The following SPIRE1 variants were observed in gnomAD, a reference collection of about 807,000 sequenced individuals.
SPIRE1 encodes protein spire homolog 1.
Under a neutral mutation model 94.1 loss-of-function variants are expected in SPIRE1, and 40 were observed. That is an observed-to-expected ratio of 0.43 (90% CI 0.33 to 0.55). The LOEUF is 0.55. Among genes scored for constraint, SPIRE1 ranks in the 20% least tolerant of loss-of-function variants. The pLI, the probability that SPIRE1 is intolerant of heterozygous loss-of-function variation, is 0.06. For synonymous variants in SPIRE1, 376 were observed against 371.7 expected (o/e 1.01, Z -0.13); for missense variants, 838 against 975.2 (o/e 0.86, Z 1.87).
chr18:12,468,098 A>T (rs2032197831), intron 10 of SPIRE1, among the ~76,000 whole-genome samples: 1 of 152,240 alleles, frequency 6.6e-6, no homozygotes, highest in African/African-American at 2.4e-5. Context: ...TATCATACTT[A>T]ATTCTGTAAG....
chr18:12,450,734 T>C (rs977889562), intron 16 of SPIRE1: 4 of 670,786 alleles, frequency 6.0e-6, no homozygotes, highest in African/African-American at 3.7e-5. Context: ...AAAGCCACCG[T>C]CTGGATTCTT....
intron 2 of SPIRE1, among the ~76,000 whole-genome samples, chr18:12,628,681 G>A (rs1200354377): frequency 2.6e-5 from 4 of 152,130 alleles, no homozygotes; most frequent in Non-Finnish European, 5.9e-5. Flanking sequence ...CTATCCATAA[G>A]CACGGAATGT....
intron 6 of SPIRE1, among the ~76,000 whole-genome samples, chr18:12,502,496 C>T (rs979752731): frequency 1.3e-5 from 2 of 152,128 alleles, no homozygotes; most frequent in African/African-American, 4.8e-5. Context: ...AGAAAGATAA[C>T]ATTACCCAGT....
intron 2 of SPIRE1, among the ~76,000 whole-genome samples, chr18:12,595,250 G>A (rs879609167): frequency 6.6e-6 from 1 of 152,140 alleles, no homozygotes; most frequent in Non-Finnish European, 1.5e-5. Context: ...AGGCTGCAGT[G>A]AGCTATGATT....
chr18:12,503,603 T>C lies in SPIRE1; in HGVS notation c.972+2874A>G, dbSNP rs191035911. Among the ~76,000 whole-genome samples the C allele has an allele frequency of 1.0e-3, 152 of 152,268 alleles. 1 individual carries two copies. The highest frequency in any genetic ancestry group is 1.7e-3 in the Non-Finnish European group (119 of 68,028). ...CATTGCTGCTTGATCTTTGGATATG[T>C]TGGGTTTTTTTCCCCCTACTTAGCT... is the stretch of plus-strand genomic sequence containing the variant. On this transcript the variant is annotated intron_variant, in intron 6 of 16. Transcript: ENST00000409402.
chr18:12,484,182 C>T (rs1004705893), intron 9 of SPIRE1, among the ~76,000 whole-genome samples: 1 of 152,096 alleles, frequency 6.6e-6, no homozygotes, highest in African/African-American at 2.4e-5. Flanking sequence ...GTTTAGGCAG[C>T]CAACCACTCG....
rs869122444 is a variant in SPIRE1 at position 12,549,439 on chromosome 18, G to GTTTTTTTTTTTTTTTTTTTTTTTTT, written c.373-2560_373-2536dup. Among the ~76,000 whole-genome samples the GTTTTTTTTTTTTTTTTTTTTTTTTT allele has an allele frequency of 2.7e-4, 11 of 41,258 alleles. 2 individuals are homozygous for GTTTTTTTTTTTTTTTTTTTTTTTTT. Among genetic ancestry groups the GTTTTTTTTTTTTTTTTTTTTTTTTT allele is most frequent in the Non-Finnish European group, 4.2e-4 (11 of 25,944 alleles). 27.1% of individuals were successfully genotyped at this position (41,258 alleles called of 152,430 possible). A position where few individuals can be genotyped will look rare whatever the true frequency, so the allele number is the denominator to read the frequency against. ...CTTTTTGTTTGTTTTTGTTATTGTT[G>GTTTTTTTTTTTTTTTTTTTTTTTTT]TTTTTTTTTTTTTTTTTTTTTTTTT... On this transcript the variant is annotated intron_variant, in intron 2 of 16. Transcript: ENST00000409402.
intron 2 of SPIRE1, among the ~76,000 whole-genome samples, chr18:12,548,286 A>T (rs1017760100): frequency 1.3e-5 from 2 of 152,192 alleles, no homozygotes; most frequent in African/African-American, 2.4e-5. Context: ...CCGCATTTTT[A>T]AAAAAGTGCA....
chr18:12,606,677 T>C (rs1264201054), intron 2 of SPIRE1, among the ~76,000 whole-genome samples: 2 of 152,104 alleles, frequency 1.3e-5, no homozygotes, highest in Non-Finnish European at 2.9e-5. Flanking sequence ...ATTACAAGCA[T>C]GCACCACCAT....
At chr18:12,535,647 G>GTT in intron 3 of SPIRE1, 46 bp from the exon 4 acceptor site, 7 of 1,570,976 alleles carry the variant, frequency 4.5e-6, no homozygotes, top group Non-Finnish European at 6.1e-6. Context: ...TACTATTTGG[G>GTT]TTTTTTTTGT....
intron 2 of SPIRE1, among the ~76,000 whole-genome samples, chr18:12,579,504 C>G (rs2036202172): frequency 6.6e-6 from 1 of 152,082 alleles, no homozygotes; most frequent in Admixed American, 6.6e-5. Flanking sequence ...ACTGGGAATT[C>G]CCACTGAATA....
intron 10 of SPIRE1, among the ~76,000 whole-genome samples, chr18:12,478,121 G>A (rs182733888): frequency 6.6e-6 from 1 of 152,020 alleles, no homozygotes; most frequent in East Asian, 1.9e-4. Flanking sequence ...AATTATTATT[G>A]GTATTGCTTG....
At chr18:12,630,707 G>A (rs757088319) in intron 2 of SPIRE1, among the ~76,000 whole-genome samples, 1 of 152,110 alleles carries the variant, frequency 6.6e-6, no homozygotes, top group Non-Finnish European at 1.5e-5. Context: ...GAGAATCTGA[G>A]GCAGAGAAGC....
chr18:12,467,027 C>T (rs2032137055), intron 10 of SPIRE1, among the ~76,000 whole-genome samples: 1 of 152,214 alleles, frequency 6.6e-6, no homozygotes, highest in Admixed American at 6.5e-5. Context: ...CGCCTGTAAT[C>T]CCAGCACTTT....
At chr18:12,531,585 A>G (rs1323416210) in intron 4 of SPIRE1, among the ~76,000 whole-genome samples, 2 of 152,154 alleles carry the variant, frequency 1.3e-5, no homozygotes, top group East Asian at 3.9e-4. Context: ...GTGAATCTCT[A>G]ATCTCTCTAA....
chr18:12,560,230 T>G (rs1442322507), intron 2 of SPIRE1, among the ~76,000 whole-genome samples: 1 of 152,178 alleles, frequency 6.6e-6, no homozygotes, highest in Non-Finnish European at 1.5e-5. Flanking sequence ...ATCCCCCTCC[T>G]AGTTATATAC....
intron 2 of SPIRE1, among the ~76,000 whole-genome samples, chr18:12,626,264 A>AT (rs2037623244): frequency 6.6e-6 from 1 of 152,134 alleles, no homozygotes; most frequent in Non-Finnish European, 1.5e-5. Flanking sequence ...TGGGTCAAAA[A>AT]CTGTACATAA....
intron 2 of SPIRE1, among the ~76,000 whole-genome samples, chr18:12,598,802 C>T (rs1279832802): frequency 6.6e-6 from 1 of 152,130 alleles, no homozygotes; most frequent in African/African-American, 2.4e-5. Context: ...TTTGATAAGA[C>T]TGTGGAGCTC....
intron 1 of SPIRE1, among the ~76,000 whole-genome samples, chr18:12,642,188 G>A (rs1250834739): frequency 2.0e-5 from 3 of 152,156 alleles, no homozygotes; most frequent in Admixed American, 1.3e-4. Context: ...CCAACAATAC[G>A]TTTGTGTGAC....
Sources: gnomAD v4.1 joint callset for allele counts (sites outside exome capture counted in the v4.1 genomes callset) on GRCh38, gnomAD v4.1.1 for gene constraint, MANE v1.5 for transcripts, NCBI Gene and HGNC (gene_info 2026-07-23, HGNC 2026-07-21) for gene names.